GABRR1: variants seen among roughly 807,000 people sequenced by gnomAD.
The protein encoded by GABRR1 is gamma-aminobutyric acid type A receptor subunit rho1, also known as gamma-aminobutyric acid receptor subunit rho-1.
Under a neutral mutation model 55.5 loss-of-function variants are expected in GABRR1, and 59 were observed. That is an observed-to-expected ratio of 1.06 (90% confidence interval 0.86 to 1.32). The LOEUF (loss-of-function observed/expected upper bound fraction) is 1.32, where lower values mean the gene tolerates loss of function less well. Ranked by LOEUF, GABRR1 falls within the 40% of genes most tolerant of loss-of-function variation. GABRR1 has a pLI of 0.00. For missense variants in GABRR1, 602 were observed against 619.1 expected, an observed-to-expected ratio of 0.97 and a Z score of 0.29; for synonymous variants, 213 against 226.0, an observed-to-expected ratio of 0.94 and a Z score of 0.51.
chr6:89,214,661 C>A lies in GABRR1; in HGVS notation c.122+2540G>T, dbSNP rs1038617389. ...AGATATACGAAAAAATGCTCAACAT[C>A]ATTAGTCATTAGGGAAATGCAAATT... On this transcript the variant is annotated intron_variant, in intron 1 of 9. Transcript: ENST00000454853. Among the ~76,000 whole-genome samples, 3 of 152,136 alleles carry A rather than the reference C, an allele frequency of 2.0e-5. No homozygotes were observed. In the East Asian group the frequency reaches 5.8e-4, roughly 29 times the overall value.
At chr6:89,219,988 C>T (rs537512754), upstream of GABRR1, among the ~76,000 whole-genome samples, 21 of 152,190 alleles carry the variant, frequency 1.4e-4, no homozygotes, top group South Asian at 8.3e-4. Flanking sequence ...TGATGTCTCC[C>T]GAGGTCAATG....
intron 1 of GABRR1, among the ~76,000 whole-genome samples, chr6:89,206,931 T>C (rs1467803424): frequency 1.3e-5 from 2 of 152,100 alleles, no homozygotes; most frequent in Non-Finnish European, 2.9e-5. Flanking sequence ...ACGTTACACA[T>C]CTCTGTAAAA....
chr6:89,209,946 C>T (rs991472275), intron 1 of GABRR1, among the ~76,000 whole-genome samples: 9 of 152,006 alleles, frequency 5.9e-5, no homozygotes, highest in East Asian at 1.9e-4. Flanking sequence ...CTGTTTGTGA[C>T]GTACAAAAAC....
At chr6:89,200,188 G>A (rs1444677882) in intron 3 of GABRR1, among the ~76,000 whole-genome samples, 1 of 150,312 alleles carries the variant, frequency 6.7e-6, no homozygotes, top group African/African-American at 2.4e-5. Flanking sequence ...TTTATTCTTT[G>A]GGTAAAAGTG....
chr6:89,198,203 T>G lies in GABRR1; in HGVS notation c.389A>C (p.Asp130Ala). The change falls in exon 5 of 10, where the codon GAC (aspartate) becomes GCC (alanine). Residue 130 changes from aspartate (D) to alanine (A), a missense_variant. By Grantham distance (126) the Asp-to-Ala change is moderately radical. Around this residue, in one of 3 missense-constraint regions of GABRR1, gnomAD observed 435 missense variants for 424.2 expected, o/e 1.03. Coordinates refer to ENST00000454853, the MANE Select transcript of GABRR1 (RefSeq NM_002042.5). ...MTLYLRHYWK[D>A]ERLSFPSTNN... ...GGTGCTTGGAAAAGACAGCCTCTCG[T>G]CCTTCCAGTAGTGCCTCAGGTAGAG... The G allele has an allele frequency of 6.2e-7, 1 of 1,614,036 alleles. No homozygotes were observed. The highest frequency in any genetic ancestry group is 1.1e-5 in the South Asian group (1 of 91,066).
At chr6:89,193,058 A>C (rs952847021) in intron 5 of GABRR1, among the ~76,000 whole-genome samples, 6 of 152,118 alleles carry the variant, frequency 3.9e-5, no homozygotes, top group Non-Finnish European at 7.4e-5. Context: ...CACCCACTGC[A>C]CTGCTGCATT....
intron 9 of GABRR1, 152 bp from the exon 10 acceptor site, chr6:89,179,215 T>G (rs1430091924): frequency 7.2e-6 from 6 of 833,572 alleles, no homozygotes; most frequent in Non-Finnish European, 1.1e-5. Flanking sequence ...GTTTTTGTTT[T>G]TGTTTTTTTT....
intron 6 of GABRR1, among the ~76,000 whole-genome samples, chr6:89,188,140 C>CCCCCACAATCCTGCT (rs1771970539): frequency 6.6e-6 from 1 of 152,114 alleles, no homozygotes. Flanking sequence ...TCTCCTGCCT[C>CCCCCACAATCCTGCT]AGCCTCCCGA....
intron 4 of GABRR1, 54 bp from the exon 5 acceptor site, chr6:89,198,297 T>A (rs1239947152): frequency 2.4e-6 from 3 of 1,262,232 alleles, no homozygotes; most frequent in Non-Finnish European, 3.5e-6. Flanking sequence ...CCCACTGAGA[T>A]GTGGATTCTG....
intron 1 of GABRR1, among the ~76,000 whole-genome samples, chr6:89,227,895 G>A (rs1773224614): frequency 1.3e-5 from 1 of 74,536 alleles, no homozygotes; most frequent in Non-Finnish European, 2.8e-5. Context: ...ATCTGGTCCT[G>A]GACTCTTTTT....
Position 89,182,068 on chromosome 6 carries a change from C to T in GABRR1, c.797-11G>A, listed in dbSNP as rs969164172. On this transcript the variant is annotated splice_polypyrimidine_tract_variant and intron_variant, in intron 7 of 9. Transcript: ENST00000454853. ...GACGGTTGTACCAGCCTGGGGGACACAGGAATAAAAGACAGTACACATCAT... is the reference window on the plus strand; with the variant it reads ...GACGGTTGTACCAGCCTGGGGGACATAGGAATAAAAGACAGTACACATCAT... 2 of 1,613,388 alleles carry T rather than the reference C, an allele frequency of 1.2e-6. No individual in the cohort carries two copies. Among genetic ancestry groups the T allele is most frequent in the African/African-American group, 2.7e-5 (2 of 74,856 alleles).
At chr6:89,223,764 T>G (rs1773150499) in intron 1 of GABRR1, among the ~76,000 whole-genome samples, 1 of 149,436 alleles carries the variant, frequency 6.7e-6, no homozygotes, top group Non-Finnish European at 1.5e-5. Flanking sequence ...TATTGCATTG[T>G]GGGTTTTTTT....
intron 1 of GABRR1, among the ~76,000 whole-genome samples, chr6:89,206,613 C>A (rs1329976393): frequency 1.4e-5 from 2 of 147,064 alleles, no homozygotes; most frequent in Non-Finnish European, 1.5e-5. Context: ...AGATGAGAGA[C>A]TGTACTTTTT....
chr6:89,217,216 AT>A lies in GABRR1; in HGVS notation c.106del (p.Met36CysfsTer26). ...MHWPGREVHEMSKKGRPQRQR... is the reference protein window; with the variant it reads ...MHWPGREVHEXSKKGRPQRQR... The stretch of plus-strand genomic sequence containing the variant: ...GTCCACTCACCTGCCTTTCTTAGAC[AT>A]CTCGTGGACTTCTCTTCCGGGCCAG... On this transcript the variant is annotated frameshift_variant, in exon 1 of 10. Transcript: ENST00000454853. LOFTEE classifies it high-confidence loss of function. 1.2e-6 allele frequency: 2 copies of A among 1,614,050 alleles called. No homozygotes were observed. Among genetic ancestry groups the A allele is most frequent in the Non-Finnish European group, 1.7e-6 (2 of 1,179,990 alleles).
chr6:89,179,705 C>T (rs1222825536), intron 9 of GABRR1, among the ~76,000 whole-genome samples: 1 of 152,038 alleles, frequency 6.6e-6, no homozygotes, highest in East Asian at 1.9e-4. Flanking sequence ...TGTGCATGAA[C>T]GTGTGCATTT....
At chr6:89,207,154 A>G (rs1317501403) in intron 1 of GABRR1, among the ~76,000 whole-genome samples, 7 of 152,184 alleles carry the variant, frequency 4.6e-5, no homozygotes, top group Non-Finnish European at 1.5e-5. Flanking sequence ...AGAAGGAAAT[A>G]TACCACTTGG....
In GABRR1 at chr6:89,178,464, A is replaced by G. The variant is rs1326969095; in HGVS notation, c.*306T>C. ...TCAAGGGTCTAACGGGTGGAACTAA[A>G]TGTGCCCACAACACTGGTAGTGTGC... On this transcript the variant is annotated 3_prime_UTR_variant, in exon 10 of 10. Coordinates refer to ENST00000454853, the MANE Select transcript of GABRR1 (RefSeq NM_002042.5). The G allele has an allele frequency of 2.6e-6, 1 of 382,296 alleles. No homozygotes were observed. The highest frequency in any genetic ancestry group is 2.0e-5 in the African/African-American group (1 of 48,812). The allele number at this position is 382,296 out of a possible 1,614,324, so 23.7% of individuals were successfully genotyped here. A position where few individuals can be genotyped will look rare whatever the true frequency, so the allele number is the denominator to read the frequency against.
At chr6:89,196,366 C>T (rs919729647) in intron 5 of GABRR1, among the ~76,000 whole-genome samples, 6 of 152,140 alleles carry the variant, frequency 3.9e-5, no homozygotes, top group Non-Finnish European at 7.4e-5. Flanking sequence ...TAAACATTTA[C>T]TAGCATACCA....
At chr6:89,191,180 T>C (rs758197709) in intron 5 of GABRR1, among the ~76,000 whole-genome samples, 19 of 152,204 alleles carry the variant, frequency 1.2e-4, no homozygotes, top group Non-Finnish European at 1.9e-4. Context: ...TCCCACTGCT[T>C]TGAGGGTGGA....
Sources: allele counts gnomAD v4.1 joint callset (sites outside exome capture counted in the v4.1 genomes callset), GRCh38; gene constraint gnomAD v4.1.1; regional missense constraint gnomAD v4.1.1; transcripts MANE v1.5; gene names NCBI Gene and HGNC (gene_info 2026-07-23, HGNC 2026-07-21).